The following MINDY1 variants were observed in gnomAD, a reference collection of about 807,000 sequenced individuals.
MINDY1 encodes the protein MINDY lysine 48 deubiquitinase 1.
In MINDY1, 50 loss-of-function variants were observed where a neutral mutation model predicts 53.6. The observed-to-expected ratio is 0.93, with a 90% CI of 0.74 to 1.18. MINDY1 has a LOEUF of 1.18. MINDY1 is among the 50% of genes most tolerant of loss of function. MINDY1 has a pLI of 0.00. For synonymous variants in MINDY1, 231 were observed against 234.7 expected, an observed-to-expected ratio of 0.98 and a Z score of 0.14; for missense variants, 484 against 578.6, an observed-to-expected ratio of 0.84 and a Z score of 1.68.
chr1:150,998,652 G>A (rs772887765), intron 7 of MINDY1, among the ~76,000 whole-genome samples: 5 of 152,174 alleles, frequency 3.3e-5, no homozygotes, highest in African/African-American at 4.8e-5. Context: ...CACCGCACCC[G>A]GACCCTGAGC....
intron 7 of MINDY1, among the ~76,000 whole-genome samples, chr1:150,998,999 C>T (rs371949636): frequency 4.6e-5 from 7 of 152,194 alleles, no homozygotes; most frequent in East Asian, 3.8e-4. Context: ...GTCCCATCGA[C>T]GGCAGGCTTA....
At position 150,998,302 on chromosome 1, in the gene MINDY1, G is replaced by C. The variant is rs1421985708; in HGVS notation, c.982-29C>G. On this transcript the variant is annotated intron_variant, in intron 7 of 9. Coordinates refer to ENST00000683666, the MANE Select transcript of MINDY1 (RefSeq NM_001376665.1). ...CAAAGAAAAGAACAGAGCTCATTGG[G>C]GGGACAGTTGATACGGAGGCAGTTC... 4 of 1,582,596 alleles carry C rather than the reference G, an allele frequency of 2.5e-6. No individual in the cohort carries two copies. The African/African-American group carries it at 5.4e-5, about 21-fold the overall frequency.
chr1:151,008,271 T>G (rs1374666971), upstream of MINDY1: 1 of 1,218,914 alleles, frequency 8.2e-7, no homozygotes, highest in Non-Finnish European at 1.0e-6. Context: ...GAACGACTGA[T>G]CCCTCAGAAA....
In MINDY1 at chr1:151,006,348, A is replaced by C. The variant is rs1375705956; in HGVS notation, c.-126T>G. The C allele has an allele frequency of 1.0e-5, 14 of 1,405,026 alleles. No homozygotes were observed. Among genetic ancestry groups the C allele is most frequent in the Non-Finnish European group, 1.0e-5 (11 of 1,080,608 alleles). 87.0% of individuals were successfully genotyped at this position (1,405,026 alleles called of 1,614,324 possible). A position where few individuals can be genotyped will look rare whatever the true frequency, so the allele number is the denominator to read the frequency against. On this transcript the variant is annotated 5_prime_UTR_variant, in exon 1 of 10. Coordinates refer to ENST00000683666, the MANE Select transcript of MINDY1 (RefSeq NM_001376665.1). ...GGGTGCTGTTCCAAGATTGAGAAGG[A>C]GGGTTCAGCCGTGGCAATGAGATGG...
At chr1:150,997,484 C>A (rs758561849) in intron 9 of MINDY1, 117 bp from the exon 10 acceptor site, 5 of 1,546,510 alleles carry the variant, frequency 3.2e-6, no homozygotes, top group Non-Finnish European at 4.4e-6. Context: ...CAGGAAGGGG[C>A]TCCAGGGGAG....
At chr1:150,998,596 T>C (rs1672147608) in intron 7 of MINDY1, among the ~76,000 whole-genome samples, 1 of 152,188 alleles carries the variant, frequency 6.6e-6, no homozygotes, top group African/African-American at 2.4e-5. Flanking sequence ...GACCTCATGA[T>C]CTGCCCGCCT....
chr1:151,001,734 C>T lies in MINDY1; in HGVS notation c.502G>A (p.Ala168Thr). 1 of 1,610,892 alleles carries T rather than the reference C, an allele frequency of 6.2e-7. No individual in the cohort carries two copies. The highest frequency in any genetic ancestry group is 8.5e-7 in the Non-Finnish European group (1 of 1,179,108). Residue 168 changes from alanine (A) to threonine (T), a missense_variant, in exon 3 of 10, where the codon GCC becomes ACC. Transcript: ENST00000683666. ...ACGCCCAGTCACTCACCAAGATGGG[C>T]CATGAGCTCATCCGATGTGATCACT... ...KEVITSDELM[A>T]HLGNCLLSIK...
rs1672238319 is a variant in MINDY1 at position 150,999,203 on chromosome 1, G to A, written c.981+166C>T. Among the ~76,000 whole-genome samples, 1 of 152,078 alleles carries A rather than the reference G, an allele frequency of 6.6e-6. No homozygotes were observed. The highest frequency in any genetic ancestry group is 2.1e-4 in the South Asian group (1 of 4,816). On this transcript the variant is annotated intron_variant, in intron 7 of 9. Transcript: ENST00000683666. The surrounding 1 kb of genome is among the most constrained non-coding windows in gnomAD (Gnocchi z 4.4). ...GACAGAACCGTAGCCAGTCCACAGT[G>A]GACACGCACCAGGAGCGGGAAATGA...
intron 1 of MINDY1, among the ~76,000 whole-genome samples, chr1:151,005,695 A>G (rs371646375): frequency 3.9e-5 from 6 of 152,054 alleles, no homozygotes; most frequent in Admixed American, 2.6e-4. Context: ...GAGGCTTTCT[A>G]CTCTACAACG....
At chr1:151,005,841 G>T (rs1293632356) in intron 1 of MINDY1, among the ~76,000 whole-genome samples, 1 of 152,156 alleles carries the variant, frequency 6.6e-6, no homozygotes, top group Non-Finnish European at 1.5e-5. Flanking sequence ...TCTCCAGCTG[G>T]AATTATGGTG....
At position 151,002,101 on chromosome 1, in the gene MINDY1, G is replaced by A; in HGVS notation, c.453+64C>T. ...AGTTTGAGGACATCAGGATGATCAAGGAAGTAAGTCAGGGAAGAGTACTCC... is the reference window on the plus strand; with the variant it reads ...AGTTTGAGGACATCAGGATGATCAAAGAAGTAAGTCAGGGAAGAGTACTCC... On this transcript the variant is annotated intron_variant, in intron 2 of 9. Transcript: ENST00000683666. This position sits in a 1 kb window ranked among gnomAD's most constrained non-coding sequence, Gnocchi z 4.1. 1.4e-6 allele frequency: 2 copies of A among 1,465,454 alleles called. No individual in the cohort carries two copies. The highest frequency in any genetic ancestry group is 1.8e-6 in the Non-Finnish European group (2 of 1,083,424). 90.8% of individuals were successfully genotyped at this position (1,465,454 alleles called of 1,614,324 possible).
At chr1:151,004,693 T>C (rs1672957218) in intron 1 of MINDY1, among the ~76,000 whole-genome samples, 1 of 151,424 alleles carries the variant, frequency 6.6e-6, no homozygotes, top group Admixed American at 6.6e-5. Flanking sequence ...ATGGTGACAC[T>C]GCACTACAGC....
chr1:150,997,981 G>A (rs1407748956), intron 8 of MINDY1, 101 bp downstream of exon 8: 15 of 1,319,084 alleles, frequency 1.1e-5, no homozygotes, highest in Non-Finnish European at 1.6e-5. Context: ...CCCAGAGAGA[G>A]AGGCATGGGT....
At position 151,002,601 on chromosome 1, in the gene MINDY1, G is replaced by A. The variant is rs1273970890; in HGVS notation, c.17C>T (p.Pro6Leu). 1 of 1,614,196 alleles carries A rather than the reference G, an allele frequency of 6.2e-7. No individual in the cohort carries two copies. The change falls in exon 2 of 10, where the codon CCT (proline) becomes CTT (leucine). Residue 6 changes from proline (P) to leucine (L), a missense_variant. Transcript: ENST00000683666. The surrounding 1 kb of genome is among the most constrained non-coding windows in gnomAD (Gnocchi z 4.1). Reference sequence around the variant, plus strand: ...GGCCTTACCAGGGGCTGGATCCTCAGGCTGATGGTATTCCATGGTCAAAAG... The same window carrying A: ...GGCCTTACCAGGGGCTGGATCCTCAAGCTGATGGTATTCCATGGTCAAAAG... MEYHQ[P>L]EDPAPGKAGT... is the part of the protein sequence containing the mutation.
At chr1:151,003,085 T>TATG in intron 1 of MINDY1, 1 of 545,574 alleles carries the variant, frequency 1.8e-6, no homozygotes, top group South Asian at 5.1e-5. Flanking sequence ...TGGTTATTAA[T>TATG]ATGATGATCT....
rs1248305186 is a variant in MINDY1, at chr1:150,999,379, G to A, written c.971C>T (p.Thr324Ile). ...CCAAACTCGCATTACCTTATGCTTA[G>A]TCATGGTGCTAAAGTGGTTGTTTCG... ...FFRNNHFSTM[T>I]KHKSHLYLLV... The change falls in exon 7 of 10, where the codon ACT becomes ATT. Residue 324 changes from threonine to isoleucine, a missense_variant. Coordinates refer to ENST00000683666, the MANE Select transcript of MINDY1 (RefSeq NM_001376665.1). This position sits in a 1 kb window ranked among gnomAD's most constrained non-coding sequence, Gnocchi z 4.4. 1 of 1,614,006 alleles carries A rather than the reference G, an allele frequency of 6.2e-7. No individual in the cohort carries two copies. Among genetic ancestry groups the A allele is most frequent in the Non-Finnish European group, 8.5e-7 (1 of 1,180,026 alleles).
chr1:151,006,104 G>T (rs1571745972), intron 1 of MINDY1: 3 of 1,551,686 alleles, frequency 1.9e-6, no homozygotes, highest in Non-Finnish European at 2.6e-6. Context: ...TGCTCACAAG[G>T]AGAGGGGGAA....
chr1:151,001,915 A>G lies in MINDY1; in HGVS notation c.454-133T>C, dbSNP rs587629426. On this transcript the variant is annotated intron_variant, in intron 2 of 9. Coordinates refer to ENST00000683666, the MANE Select transcript of MINDY1 (RefSeq NM_001376665.1). ...AAAGGCTTGCAACTGGCACAAGGGA[A>G]TGAATGTGAAATCTTGCAAGGCATG... 4.3e-5 allele frequency: 42 copies of G among 968,510 alleles called. No individual in the cohort carries two copies. In the Middle Eastern group the frequency reaches 6.6e-4, roughly 15 times the overall value. 60.0% of individuals were successfully genotyped at this position (968,510 alleles called of 1,614,324 possible).
chr1:150,998,133 A>T lies in MINDY1; in HGVS notation c.1122T>A (p.Pro374=), dbSNP rs370261972. The change falls in exon 8 of 10, where the codon CCT becomes CCA. Residue 374 remains proline (P), a synonymous_variant. Coordinates refer to ENST00000683666, the MANE Select transcript of MINDY1 (RefSeq NM_001376665.1). ...FHLSHSLGKG[P]GAEGGSGSPE... is the part of the protein sequence containing the mutation. ...GGGAGCCACTCCCACCTTCTGCTCCAGGCCCCTTGCCCAGGGAATGACTCA... is the reference window on the plus strand; with the variant it reads ...GGGAGCCACTCCCACCTTCTGCTCCTGGCCCCTTGCCCAGGGAATGACTCA... The T allele has an allele frequency of 3.3e-5, 54 of 1,613,798 alleles. No homozygotes were observed. The highest frequency in any genetic ancestry group is 1.6e-4 in the Middle Eastern group (1 of 6,084).
Sources: gnomAD v4.1 joint callset for allele counts (sites outside exome capture counted in the v4.1 genomes callset) on GRCh38, gnomAD v4.1.1 for gene constraint, Gnocchi (gnomAD v3.1) non-coding constraint, MANE v1.5 for transcripts, NCBI Gene and HGNC (gene_info 2026-07-23, HGNC 2026-07-21) for gene names.